The following DOCK5 variants were observed in gnomAD, a reference collection of about 807,000 sequenced individuals.
DOCK5 encodes dedicator of cytokinesis protein 5.
A neutral mutation model predicts 251.8 loss-of-function variants in DOCK5; 142 were observed. The ratio of observed to expected loss-of-function variants is 0.56; its 90% confidence interval spans 0.49 to 0.65. DOCK5 has a LOEUF of 0.65. DOCK5 is among the 30% of genes least tolerant of loss of function. The pLI, the probability that DOCK5 is intolerant of heterozygous loss-of-function variation, is 0.00. For synonymous variants in DOCK5, 842 were observed against 835.5 expected, an observed-to-expected ratio of 1.01 and a Z score of -0.13; for missense variants, 2,111 against 2,312.3, an observed-to-expected ratio of 0.91 and a Z score of 1.79.
chr8:25,234,199 C>A (rs1055301219), intron 1 of DOCK5, among the ~76,000 whole-genome samples: 1 of 152,196 alleles, frequency 6.6e-6, no homozygotes, highest in Admixed American at 6.5e-5. Context: ...AGAGGATAAT[C>A]GGTGACATCC....
At chr8:25,332,762 A>C in intron 20 of DOCK5, 70 bp downstream of exon 20, 1 of 1,161,356 alleles carries the variant, frequency 8.6e-7, no homozygotes, top group South Asian at 1.5e-5. Flanking sequence ...TCACTATTAT[A>C]AGTGATTGTG....
intron 19 of DOCK5, 55 bp downstream of exon 19, chr8:25,332,403 C>CCAATTAGGTA: frequency 1.5e-6 from 2 of 1,330,318 alleles, no homozygotes; most frequent in Non-Finnish European, 2.1e-6. Context: ...ATATACCTAT[C>CCAATTAGGTA]TAATTATACC....
chr8:25,410,939 A>ATGTGTGTGTGTGTG (rs763758410), intron 51 of DOCK5, among the ~76,000 whole-genome samples: 45 of 102,136 alleles, frequency 4.4e-4, no homozygotes, highest in African/African-American at 1.5e-3. Flanking sequence ...GAGAGAGAAA[A>ATGTGTGTGTGTGTG]TGTGTGTGTG....
At chr8:25,368,459 T>C in intron 32 of DOCK5, 112 bp from the exon 33 acceptor site, 1 of 1,278,702 alleles carries the variant, frequency 7.8e-7, no homozygotes, top group South Asian at 1.6e-5. Context: ...CACTCACTTC[T>C]GAATTGAGTT....
intron 13 of DOCK5, among the ~76,000 whole-genome samples, chr8:25,314,845 A>C (rs980768212): frequency 6.7e-6 from 1 of 149,560 alleles, no homozygotes; most frequent in Non-Finnish European, 1.5e-5. Context: ...TAACTCACAT[A>C]AATTAGTAGA....
At chr8:25,222,150 A>T (rs925410335) in intron 1 of DOCK5, among the ~76,000 whole-genome samples, 1 of 152,190 alleles carries the variant, frequency 6.6e-6, no homozygotes, top group Non-Finnish European at 1.5e-5. Flanking sequence ...TCCACTCTGC[A>T]CTGTTATTAG....
intron 13 of DOCK5, among the ~76,000 whole-genome samples, chr8:25,315,360 C>G (rs912362785): frequency 5.3e-5 from 8 of 151,948 alleles, no homozygotes; most frequent in Non-Finnish European, 1.0e-4. Context: ...ATTCACAGAG[C>G]CTGGCACATT....
In DOCK5 at chr8:25,292,135, A is replaced by G; in HGVS notation, c.433A>G (p.Lys145Glu). 1 of 1,584,810 alleles carries G rather than the reference A, an allele frequency of 6.3e-7. No individual in the cohort carries two copies. Among genetic ancestry groups the G allele is most frequent in the Non-Finnish European group, 8.6e-7 (1 of 1,166,014 alleles). Reference sequence around the variant, plus strand: ...CCCCAAGGATGAACTGGCAGAGCTCAAGAAGAAAGTCACAGCCAAAATTGA... The same window carrying G: ...CCCCAAGGATGAACTGGCAGAGCTCGAGAAGAAAGTCACAGCCAAAATTGA... ...TLPKDELAEL[K>E]KKVTAKIDHG... The change falls in exon 6 of 52, where the codon AAG becomes GAG. Residue 145 changes from lysine (K) to glutamate (E), a missense_variant. Around this residue, in one of 3 missense-constraint regions of DOCK5, gnomAD observed 335 missense variants for 324.9 expected, o/e 1.03. Coordinates refer to ENST00000276440, the MANE Select transcript of DOCK5 (RefSeq NM_024940.8).
intron 3 of DOCK5, among the ~76,000 whole-genome samples, chr8:25,275,160 T>A (rs1029278833): frequency 1.3e-5 from 2 of 152,188 alleles, no homozygotes; most frequent in Non-Finnish European, 2.9e-5. Flanking sequence ...TCACAAAATA[T>A]CCTATGCTCT....
intron 45 of DOCK5, among the ~76,000 whole-genome samples, chr8:25,398,068 A>G (rs7005823): frequency 0.36 from 53,960 of 151,966 alleles, 9,664 homozygotes; most frequent in South Asian, 0.37. Flanking sequence ...CATCGCCAAA[A>G]TGATAAGAAC....
At chr8:25,378,473 A>C (rs1026464947) in intron 38 of DOCK5, among the ~76,000 whole-genome samples, 4 of 152,232 alleles carry the variant, frequency 2.6e-5, no homozygotes, top group Admixed American at 2.0e-4. Context: ...TTTAATTTTG[A>C]AGTGTTTCCC....
intron 5 of DOCK5, 42 bp from the exon 6 acceptor site, chr8:25,291,981 CT>C: frequency 6.7e-7 from 1 of 1,499,286 alleles, no homozygotes; most frequent in Admixed American, 2.4e-5. Flanking sequence ...TCTGTCACAC[CT>C]TTTTCTAAGA....
intron 1 of DOCK5, among the ~76,000 whole-genome samples, chr8:25,203,195 A>G (rs544738511): frequency 1.3e-5 from 2 of 152,330 alleles, no homozygotes; most frequent in African/African-American, 2.4e-5. Context: ...CTGAATGACT[A>G]TCTTATGTGC....
chr8:25,341,338 C>T (rs1159044223), intron 23 of DOCK5, among the ~76,000 whole-genome samples: 1 of 152,046 alleles, frequency 6.6e-6, no homozygotes, highest in Non-Finnish European at 1.5e-5. Flanking sequence ...AGTGCAAAGT[C>T]ACCATCTTTA....
chr8:25,368,897 A>C (rs980806215), intron 33 of DOCK5, among the ~76,000 whole-genome samples, 172 bp downstream of exon 33: 2 of 152,258 alleles, frequency 1.3e-5, no homozygotes, highest in African/African-American at 4.8e-5. Flanking sequence ...AGACAGTGCA[A>C]CCCAGAGCCT....
intron 5 of DOCK5, among the ~76,000 whole-genome samples, chr8:25,281,939 C>G (rs2709605): frequency 0.68 from 101,691 of 149,732 alleles, 37,739 homozygotes; most frequent in Non-Finnish European, 0.84. Context: ...GCACATTTCT[C>G]ATTTTAATTT....
chr8:25,330,232 G>T (rs960505164), intron 18 of DOCK5, among the ~76,000 whole-genome samples: 1 of 152,158 alleles, frequency 6.6e-6, no homozygotes, highest in Non-Finnish European at 1.5e-5. Flanking sequence ...TAATGATTGG[G>T]TTGAGCATAT....
intron 13 of DOCK5, among the ~76,000 whole-genome samples, chr8:25,314,168 T>C (rs1805174985): frequency 1.3e-5 from 2 of 148,792 alleles, no homozygotes; most frequent in Non-Finnish European, 3.0e-5. Context: ...TGGAGTATAG[T>C]TGTGTGATGA....
intron 43 of DOCK5, among the ~76,000 whole-genome samples, 188 bp from the exon 44 acceptor site, chr8:25,392,608 C>A (rs1311259737): frequency 6.6e-6 from 1 of 152,170 alleles, no homozygotes; most frequent in African/African-American, 2.4e-5. Context: ...CGATCCCTTT[C>A]AGCTTTAAAC....
Sources: gnomAD v4.1 joint callset for allele counts (sites outside exome capture counted in the v4.1 genomes callset) on GRCh38, gnomAD v4.1.1 for gene constraint, gnomAD v4.1.1 regional missense constraint, MANE v1.5 for transcripts, NCBI Gene and HGNC (gene_info 2026-07-23, HGNC 2026-07-21) for gene names.